The following MEPCE variants were observed in gnomAD, a reference collection of about 807,000 sequenced individuals.
MEPCE encodes 7SK snRNA methylphosphate capping enzyme.
Under a neutral mutation model 52.3 loss-of-function variants are expected in MEPCE, and 9 were observed. That is an observed-to-expected ratio of 0.17 (90% CI 0.10 to 0.30). The LOEUF (loss-of-function observed/expected upper bound fraction) is 0.30, where lower values mean the gene tolerates loss of function less well. Ranked by LOEUF, MEPCE falls within the 10% of genes least tolerant of loss-of-function variation. MEPCE has a pLI of 1.00. For synonymous variants in MEPCE, 477 were observed against 401.6 expected, an observed-to-expected ratio of 1.19 and a Z score of -2.25; for missense variants, 826 against 933.0, an observed-to-expected ratio of 0.89 and a Z score of 1.49.
Position 100,431,592 on chromosome 7 carries a change from C to G in MEPCE, c.1574C>G (p.Ala525Gly), listed in dbSNP as rs1798706305. 2 of 1,611,478 alleles carry G rather than the reference C, an allele frequency of 1.2e-6. No individual in the cohort carries two copies. Among genetic ancestry groups the G allele is most frequent in the African/African-American group, 2.7e-5 (2 of 74,954 alleles). The part of the protein sequence containing the change: ...TTVRKRSCFP[A>G]SLTASRGPIA... Reference sequence around the variant, plus strand: ...GTTCGAAAGAGGAGCTGCTTCCCAGCCTCGCTGACTGCCAGCCGGGGTCCC... The same window carrying G: ...GTTCGAAAGAGGAGCTGCTTCCCAGGCTCGCTGACTGCCAGCCGGGGTCCC... The change falls in exon 1 of 4, where the codon GCC (alanine) becomes GGC (glycine). Residue 525 changes from alanine to glycine, a missense_variant. Coordinates refer to ENST00000310512, the MANE Select transcript of MEPCE (RefSeq NM_019606.6).
In MEPCE at chr7:100,430,957, C is replaced by T. The variant is rs1798666146; in HGVS notation, c.939C>T (p.Pro313=). 1 of 1,609,396 alleles carries T rather than the reference C, an allele frequency of 6.2e-7. No individual in the cohort carries two copies. Among genetic ancestry groups the T allele is most frequent in the Non-Finnish European group, 8.5e-7 (1 of 1,177,102 alleles). ...ACAGGGGCCAGAACCGGGATGCCCC[C>T]CAACCCTATGAACTCAACACAGCCA... ...PRHRGQNRDA[P]QPYELNTAIN... The change falls in exon 1 of 4, where the codon CCC becomes CCT. Residue 313 remains proline (P), a synonymous_variant. Coordinates refer to ENST00000310512, the MANE Select transcript of MEPCE (RefSeq NM_019606.6).
Position 100,430,949 on chromosome 7 carries a change from G to C in MEPCE, c.931G>C (p.Asp311His). The C allele has an allele frequency of 1.2e-6, 2 of 1,608,542 alleles. No homozygotes were observed. Among genetic ancestry groups the C allele is most frequent in the Non-Finnish European group, 8.5e-7 (1 of 1,176,552 alleles). Residue 311 changes from aspartate (D) to histidine (H), a missense_variant, in exon 1 of 4, where the codon GAT becomes CAT. Asp to His is a moderately conservative substitution (Grantham distance 81). Transcript: ENST00000310512. ...QQPRHRGQNR[D>H]APQPYELNTA... is the part of the protein sequence containing the mutation. ...GCCGCGGCACAGGGGCCAGAACCGGGATGCCCCCCAACCCTATGAACTCAA... is the reference window on the plus strand; with the variant it reads ...GCCGCGGCACAGGGGCCAGAACCGGCATGCCCCCCAACCCTATGAACTCAA...
chr7:100,428,972 T>A (rs1798300332), upstream of MEPCE: 1 of 152,286 alleles, frequency 6.6e-6, no homozygotes, highest in Admixed American at 6.5e-5. Context: ...GAAGAGGAAG[T>A]TGGACAACAT....
In MEPCE at chr7:100,430,957, C is replaced by G; in HGVS notation, c.939C>G (p.Pro313=). 6.2e-7 allele frequency: 1 copy of G among 1,609,396 alleles called. No homozygotes were observed. Among genetic ancestry groups the G allele is most frequent in the Non-Finnish European group, 8.5e-7 (1 of 1,177,102 alleles). Residue 313 remains proline, a synonymous_variant, in exon 1 of 4, where the codon CCC becomes CCG. Transcript: ENST00000310512. ...ACAGGGGCCAGAACCGGGATGCCCC[C>G]CAACCCTATGAACTCAACACAGCCA... ...PRHRGQNRDA[P]QPYELNTAIN... is the part of the protein sequence containing the mutation.
Position 100,430,955 on chromosome 7 carries a change from C to T in MEPCE, c.937C>T (p.Pro313Ser). 1 of 1,609,060 alleles carries T rather than the reference C, an allele frequency of 6.2e-7. No individual in the cohort carries two copies. The highest frequency in any genetic ancestry group is 8.5e-7 in the Non-Finnish European group (1 of 1,176,904). ...GCACAGGGGCCAGAACCGGGATGCC[C>T]CCCAACCCTATGAACTCAACACAGC... is the stretch of plus-strand genomic sequence containing the variant. ...PRHRGQNRDA[P>S]QPYELNTAIN... The change falls in exon 1 of 4, where the codon CCC becomes TCC. Residue 313 changes from proline to serine, a missense_variant. This residue lies in a region of MEPCE where 307 missense variants were observed against 292.1 expected (regional missense o/e 1.05). Coordinates refer to ENST00000310512, the MANE Select transcript of MEPCE (RefSeq NM_019606.6).
Position 100,431,593 on chromosome 7 carries a change from C to G in MEPCE, c.1575C>G (p.Ala525=). The change falls in exon 1 of 4, where the codon GCC becomes GCG. Residue 525 remains alanine (A), a synonymous_variant. Coordinates refer to ENST00000310512, the MANE Select transcript of MEPCE (RefSeq NM_019606.6). ...TTCGAAAGAGGAGCTGCTTCCCAGC[C>G]TCGCTGACTGCCAGCCGGGGTCCCA... The part of the protein sequence containing the change: ...TTVRKRSCFP[A]SLTASRGPIA... 1 of 1,611,528 alleles carries G rather than the reference C, an allele frequency of 6.2e-7. No individual in the cohort carries two copies. The highest frequency in any genetic ancestry group is 1.1e-5 in the South Asian group (1 of 91,084).
chr7:100,433,717 C>A lies in MEPCE; in HGVS notation c.*163C>A. 1 of 705,298 alleles carries A rather than the reference C, an allele frequency of 1.4e-6. No homozygotes were observed. The highest frequency in any genetic ancestry group is 2.3e-6 in the Non-Finnish European group (1 of 426,298). The allele number at this position is 705,298 out of a possible 1,614,324, so 43.7% of individuals were successfully genotyped here. On this transcript the variant is annotated 3_prime_UTR_variant, in exon 4 of 4. Transcript: ENST00000310512. ...TCTTCCGTCGCTGCCTCAGCCTCCT[C>A]CCTATGCCTCTGGCACCTGCGCAGC... is the stretch of plus-strand genomic sequence containing the variant.
At position 100,431,020 on chromosome 7, in the gene MEPCE, T is replaced by A; in HGVS notation, c.1002T>A (p.Ser334=). 1 of 1,613,900 alleles carries A rather than the reference T, an allele frequency of 6.2e-7. No homozygotes were observed. Among genetic ancestry groups the A allele is most frequent in the Non-Finnish European group, 8.5e-7 (1 of 1,179,998 alleles). The stretch of plus-strand genomic sequence containing the variant: ...ATGAAGTGGTGTCTCCCCTTCCATC[T>A]GCTCTGCAGGGTCCCTCAGGCTCCC... The part of the protein sequence containing the change: ...CRDEVVSPLP[S]ALQGPSGSLS... Residue 334 remains serine, a synonymous_variant, in exon 1 of 4, where the codon TCT becomes TCA. Transcript: ENST00000310512.
rs1356491390 is a variant in MEPCE at position 100,430,354 on chromosome 7, G to C, written c.336G>C (p.Val112=). 1.4e-6 allele frequency: 2 copies of C among 1,434,164 alleles called. No individual in the cohort carries two copies. The highest frequency in any genetic ancestry group is 1.8e-6 in the Non-Finnish European group (2 of 1,096,634). The allele number at this position is 1,434,164 out of a possible 1,614,324, so 88.8% of individuals were successfully genotyped here. A position where few individuals can be genotyped will look rare whatever the true frequency, so the allele number is the denominator to read the frequency against. The change falls in exon 1 of 4, where the codon GTG becomes GTC. Residue 112 remains valine, a synonymous_variant. Coordinates refer to ENST00000310512, the MANE Select transcript of MEPCE (RefSeq NM_019606.6). ...DPPGRAAPPD[V]GEERRGGGGT... Reference sequence around the variant, plus strand: ...CGGGGCGAGCCGCTCCCCCGGACGTGGGGGAGGAGCGCCGGGGAGGGGGCG... The same window carrying C: ...CGGGGCGAGCCGCTCCCCCGGACGTCGGGGAGGAGCGCCGGGGAGGGGGCG...
In MEPCE at chr7:100,430,865, C is replaced by T. The variant is rs139805699; in HGVS notation, c.847C>T (p.Pro283Ser). The part of the protein sequence containing the change: ...QQAAGGSESH[P>S]VPPTAPLTPL... ...GGCAGCCGGAGGGAGTGAGAGTCAC[C>T]CCGTGCCGCCCACAGCCCCTCTCAC... Residue 283 changes from proline (P) to serine (S), a missense_variant, in exon 1 of 4, where the codon CCC (proline) becomes TCC (serine). Pro to Ser is a moderately conservative substitution (Grantham distance 74). This residue lies in a region of MEPCE where 307 missense variants were observed against 292.1 expected (regional missense o/e 1.05). Transcript: ENST00000310512. 2.9e-4 allele frequency: 469 copies of T among 1,609,044 alleles called. No homozygotes were observed. Among genetic ancestry groups the T allele is most frequent in the Admixed American group, 4.3e-4 (26 of 59,828 alleles).
chr7:100,433,149 G>A lies in MEPCE; in HGVS notation c.1890+12G>A, dbSNP rs1378768824. ...GAAAGACTCTTACAGTGAGTTGGGTGTTGGGGGAATAGTCATTCCTTTGGT... is the reference window on the plus strand; with the variant it reads ...GAAAGACTCTTACAGTGAGTTGGGTATTGGGGGAATAGTCATTCCTTTGGT... On this transcript the variant is annotated intron_variant, in intron 2 of 3. Transcript: ENST00000310512. 4 of 1,613,830 alleles carry A rather than the reference G, an allele frequency of 2.5e-6. No homozygotes were observed. Among genetic ancestry groups the A allele is most frequent in the Non-Finnish European group, 2.5e-6 (3 of 1,179,908 alleles).
Position 100,430,526 on chromosome 7 carries a change from C to T in MEPCE, c.508C>T (p.Arg170Cys). 6.3e-7 allele frequency: 1 copy of T among 1,583,600 alleles called. No individual in the cohort carries two copies. The highest frequency in any genetic ancestry group is 8.6e-7 in the Non-Finnish European group (1 of 1,164,530). ...CTTCAAACATCCGGCCTTCAAGAGG[C>T]GCAGGCGGGTGAATTCGGACTGTGA... The part of the protein sequence containing the change: ...GGFKHPAFKR[R>C]RRVNSDCDSV... The change falls in exon 1 of 4, where the codon CGC (arginine) becomes TGC (cysteine). Residue 170 changes from arginine to cysteine, a missense_variant. Transcript: ENST00000310512.
chr7:100,430,899 T>C lies in MEPCE; in HGVS notation c.881T>C (p.Leu294Pro). ...CCCACAGCCCCTCTCACCCCCTTAC[T>C]CCACGGGGAGGGCGCCTCACAGCAG... Reference protein sequence around the residue: ...VPPTAPLTPLLHGEGASQQPR... With the variant: ...VPPTAPLTPLPHGEGASQQPR... The change falls in exon 1 of 4, where the codon CTC becomes CCC. Residue 294 changes from leucine (L) to proline (P), a missense_variant. Coordinates refer to ENST00000310512, the MANE Select transcript of MEPCE (RefSeq NM_019606.6). 1 of 1,609,052 alleles carries C rather than the reference T, an allele frequency of 6.2e-7. No individual in the cohort carries two copies. Among genetic ancestry groups the C allele is most frequent in the South Asian group, 1.1e-5 (1 of 90,638 alleles).
At position 100,431,357 on chromosome 7, in the gene MEPCE, G is replaced by A. The variant is rs1388171436; in HGVS notation, c.1339G>A (p.Val447Ile). The change falls in exon 1 of 4, where the codon GTC becomes ATC. Residue 447 changes from valine (V) to isoleucine (I), a missense_variant. Val to Ile is a conservative substitution (Grantham distance 29). Coordinates refer to ENST00000310512, the MANE Select transcript of MEPCE (RefSeq NM_019606.6). ...LKPEWFRGRDVLDLGCNVGHL... is the reference protein window; with the variant it reads ...LKPEWFRGRDILDLGCNVGHL... Reference sequence around the variant, plus strand: ...GCCTGAGTGGTTTCGGGGCCGGGACGTCCTAGATCTGGGCTGCAATGTGGG... The same window carrying A: ...GCCTGAGTGGTTTCGGGGCCGGGACATCCTAGATCTGGGCTGCAATGTGGG... 9 of 1,614,068 alleles carry A rather than the reference G, an allele frequency of 5.6e-6. No individual in the cohort carries two copies. The highest frequency in any genetic ancestry group is 2.7e-5 in the African/African-American group (2 of 74,940).
At position 100,430,058 on chromosome 7, in the gene MEPCE, C is replaced by T. The variant is rs1339747093; in HGVS notation, c.40C>T (p.Pro14Ser). The change falls in exon 1 of 4, where the codon CCG (proline) becomes TCG (serine). Residue 14 changes from proline to serine, a missense_variant. Transcript: ENST00000310512. ...MAAEKEPFLV[P>S]APPPPLKDES... ...GGCGGAGAAGGAGCCGTTTCTGGTGCCGGCCCCGCCGCCGCCGCTCAAAGA... is the reference window on the plus strand; with the variant it reads ...GGCGGAGAAGGAGCCGTTTCTGGTGTCGGCCCCGCCGCCGCCGCTCAAAGA... 44 of 1,267,468 alleles carry T rather than the reference C, an allele frequency of 3.5e-5. No individual in the cohort carries two copies. The highest frequency in any genetic ancestry group is 4.2e-5 in the Non-Finnish European group (42 of 1,006,816). 78.5% of individuals were successfully genotyped at this position (1,267,468 alleles called of 1,614,324 possible).
Position 100,430,558 on chromosome 7 carries a change from G to C in MEPCE, c.540G>C (p.Val180=). 6.3e-7 allele frequency: 1 copy of C among 1,598,038 alleles called. No homozygotes were observed. Among genetic ancestry groups the C allele is most frequent in the Non-Finnish European group, 8.5e-7 (1 of 1,172,720 alleles). ...RRRVNSDCDS[V]LPSNFLLGGN... Reference sequence around the variant, plus strand: ...GGGTGAATTCGGACTGTGACTCTGTGTTACCCTCCAACTTCCTCCTGGGGG... The same window carrying C: ...GGGTGAATTCGGACTGTGACTCTGTCTTACCCTCCAACTTCCTCCTGGGGG... Residue 180 remains valine, a synonymous_variant, in exon 1 of 4, where the codon GTG becomes GTC. Coordinates refer to ENST00000310512, the MANE Select transcript of MEPCE (RefSeq NM_019606.6).
Position 100,433,575 on chromosome 7 carries a change from T to C in MEPCE, c.*21T>C. The C allele has an allele frequency of 6.2e-7, 1 of 1,611,460 alleles. No individual in the cohort carries two copies. The highest frequency in any genetic ancestry group is 2.1e-4 in the Middle Eastern group (1 of 4,652). ...ACTAAGTGGCCCCCTAAACAGAAAG[T>C]GTGAAGAGGCTGCCCTCGCTGCTCA... On this transcript the variant is annotated 3_prime_UTR_variant, in exon 4 of 4. Coordinates refer to ENST00000310512, the MANE Select transcript of MEPCE (RefSeq NM_019606.6).
chr7:100,432,161 C>T (rs1463660612), intron 1 of MEPCE, among the ~76,000 whole-genome samples: 1 of 152,180 alleles, frequency 6.6e-6, no homozygotes, highest in Non-Finnish European at 1.5e-5. Flanking sequence ...CTCCTATCAG[C>T]GGCTTTTGTT....
Position 100,430,442 on chromosome 7 carries a change from C to T in MEPCE, c.424C>T (p.Pro142Ser). Residue 142 changes from proline (P) to serine (S), a missense_variant, in exon 1 of 4, where the codon CCT becomes TCT. Pro to Ser is a moderately conservative substitution (Grantham distance 74). Transcript: ENST00000310512. The part of the protein sequence containing the change: ...PRNGYQPHRP[P>S]GGGGGKRRNS... ...CAATGGCTATCAGCCCCACCGGCCACCTGGGGGGGGCGGGGGCAAGAGGAG... is the reference window on the plus strand; with the variant it reads ...CAATGGCTATCAGCCCCACCGGCCATCTGGGGGGGGCGGGGGCAAGAGGAG... The T allele has an allele frequency of 1.9e-6, 3 of 1,558,022 alleles. No individual in the cohort carries two copies. The highest frequency in any genetic ancestry group is 2.3e-5 in the South Asian group (2 of 85,276).
Sources: allele counts gnomAD v4.1 joint callset (sites outside exome capture counted in the v4.1 genomes callset), GRCh38; gene constraint gnomAD v4.1.1; regional missense constraint gnomAD v4.1.1; transcripts MANE v1.5; gene names NCBI Gene and HGNC (gene_info 2026-07-23, HGNC 2026-07-21).